SIPA1L2: variants seen among roughly 807,000 people sequenced by gnomAD.
SIPA1L2 encodes signal-induced proliferation-associated 1-like protein 2.
A neutral mutation model predicts 163.9 loss-of-function variants in SIPA1L2; 56 were observed. The ratio of observed to expected loss-of-function variants is 0.34; its 90% CI spans 0.28 to 0.43. The LOEUF (loss-of-function observed/expected upper bound fraction) is 0.43. Ranked by LOEUF, SIPA1L2 falls within the 20% of genes least tolerant of loss-of-function variation. The pLI is 1.00. For missense variants in SIPA1L2, 1,974 were observed against 2,193.5 expected (o/e 0.90, Z 2.00); for synonymous variants, 877 against 865.7 (o/e 1.01, Z -0.23).
At chr1:232,509,600 G>A (rs1036327061) in intron 3 of SIPA1L2, among the ~76,000 whole-genome samples, 2 of 152,234 alleles carry the variant, frequency 1.3e-5, no homozygotes, top group Non-Finnish European at 2.9e-5. Context: ...TTTGCAGACA[G>A]AAGGGTCTTG....
At chr1:232,599,502 ATG>A (rs2102850616) in intron 1 of SIPA1L2, among the ~76,000 whole-genome samples, 1 of 152,162 alleles carries the variant, frequency 6.6e-6, no homozygotes, top group South Asian at 2.1e-4. Flanking sequence ...TCAAATCAAA[ATG>A]TGTTTCCAAT....
At chr1:232,442,987 T>C (rs1302195696) in intron 12 of SIPA1L2, among the ~76,000 whole-genome samples, 4 of 152,182 alleles carry the variant, frequency 2.6e-5, no homozygotes, top group Non-Finnish European at 4.4e-5. Flanking sequence ...CTCCTCTCAA[T>C]CAGTGTGACT....
chr1:232,577,944 T>C (rs1338344226), intron 1 of SIPA1L2, among the ~76,000 whole-genome samples: 1 of 152,174 alleles, frequency 6.6e-6, no homozygotes, highest in African/African-American at 2.4e-5. Context: ...GTGGGTCAAA[T>C]GCTATGAAAC....
chr1:232,435,984 G>T (rs1477629143), intron 15 of SIPA1L2, among the ~76,000 whole-genome samples: 1 of 152,074 alleles, frequency 6.6e-6, no homozygotes, highest in Non-Finnish European at 1.5e-5. Flanking sequence ...GTGTGTGCCT[G>T]GGGCTGGAGG....
At chr1:232,567,986 A>C (rs141771448) in intron 2 of SIPA1L2, among the ~76,000 whole-genome samples, 2 of 152,240 alleles carry the variant, frequency 1.3e-5, no homozygotes, top group African/African-American at 4.8e-5. Context: ...AGCTGAACAC[A>C]TGAAGGTTCC....
At chr1:232,549,068 G>C (rs912837377) in intron 2 of SIPA1L2, among the ~76,000 whole-genome samples, 1 of 152,184 alleles carries the variant, frequency 6.6e-6, no homozygotes, top group Non-Finnish European at 1.5e-5. Context: ...CCCCTTACTG[G>C]TCAGGATTTG....
intron 1 of SIPA1L2, among the ~76,000 whole-genome samples, chr1:232,608,252 T>C (rs952761078): frequency 1.3e-5 from 2 of 152,092 alleles, no homozygotes; most frequent in African/African-American, 4.8e-5. Flanking sequence ...TTCACCATGG[T>C]GGTCAGGCTG....
intron 1 of SIPA1L2, among the ~76,000 whole-genome samples, chr1:232,580,361 C>CAGCACGGT (rs1195784137): frequency 6.6e-6 from 1 of 152,156 alleles, no homozygotes; most frequent in Non-Finnish European, 1.5e-5. Flanking sequence ...CCTGTTTTAT[C>CAGCACGGT]AGCACGGTCT....
chr1:232,455,973 G>A (rs1466833949), intron 10 of SIPA1L2, among the ~76,000 whole-genome samples: 1 of 152,128 alleles, frequency 6.6e-6, no homozygotes, highest in Non-Finnish European at 1.5e-5. Context: ...ACAGAAGGGT[G>A]AGGATGGAAA....
chr1:232,546,413 A>T (rs1558259563), intron 2 of SIPA1L2, among the ~76,000 whole-genome samples: 1 of 152,192 alleles, frequency 6.6e-6, no homozygotes, highest in African/African-American at 2.4e-5. Flanking sequence ...GTAAGAGTCA[A>T]TACACTTTAC....
chr1:232,563,944 G>GTTTT (rs1264800808), intron 2 of SIPA1L2, among the ~76,000 whole-genome samples: 1 of 99,996 alleles, frequency 1.0e-5, no homozygotes, highest in African/African-American at 6.7e-5. Flanking sequence ...ACAAAGGTTT[G>GTTTT]TTTTTTTTTT....
At chr1:232,494,872 A>T (rs1666100430) in intron 3 of SIPA1L2, among the ~76,000 whole-genome samples, 1 of 152,194 alleles carries the variant, frequency 6.6e-6, no homozygotes. Flanking sequence ...AACTGCTGCC[A>T]GGTCCATTCT....
chr1:232,488,744 CTGGTTTT>C (rs1665772510), intron 5 of SIPA1L2, among the ~76,000 whole-genome samples: 1 of 152,074 alleles, frequency 6.6e-6, no homozygotes, highest in African/African-American at 2.4e-5. Context: ...CTTAAAATGC[CTGGTTTT>C]TAGAACTGCC....
At position 232,514,030 on chromosome 1, in the gene SIPA1L2, C is replaced by G; in HGVS notation, c.1310G>C (p.Gly437Ala). The G allele has an allele frequency of 6.2e-7, 1 of 1,614,192 alleles. No homozygotes were observed. The highest frequency in any genetic ancestry group is 8.5e-7 in the Non-Finnish European group (1 of 1,180,026). The change falls in exon 3 of 23, where the codon GGG (glycine) becomes GCG (alanine). Residue 437 changes from glycine to alanine, a missense_variant. Coordinates refer to ENST00000674635, the MANE Select transcript of SIPA1L2 (RefSeq NM_020808.5). ...SRANSSSFSSGESCSFESSLS... is the reference protein window; with the variant it reads ...SRANSSSFSSAESCSFESSLS... Reference sequence around the variant, plus strand: ...TGACGATTCGAAAGAGCAGCTTTCCCCAGAACTGAAAGAGGATGAGTTGGC... The same window carrying G: ...TGACGATTCGAAAGAGCAGCTTTCCGCAGAACTGAAAGAGGATGAGTTGGC...
intron 9 of SIPA1L2, chr1:232,462,278 T>A: frequency 1.3e-6 from 2 of 1,550,540 alleles, no homozygotes; most frequent in Non-Finnish European, 1.7e-6. Flanking sequence ...CTGTGGGAAT[T>A]TCAAGTTGGG....
chr1:232,444,916 T>C (rs929744190), intron 11 of SIPA1L2, among the ~76,000 whole-genome samples: 21 of 152,212 alleles, frequency 1.4e-4, no homozygotes, highest in African/African-American at 5.1e-4. Context: ...GGAGTACGAA[T>C]TAACAACAAT....
intron 1 of SIPA1L2, among the ~76,000 whole-genome samples, chr1:232,620,738 T>C (rs144666247): frequency 1.4e-3 from 215 of 152,318 alleles, no homozygotes; most frequent in African/African-American, 4.7e-3. Flanking sequence ...TTAAACAAAT[T>C]GTCCTGCTTT....
intron 10 of SIPA1L2, among the ~76,000 whole-genome samples, chr1:232,449,215 G>C (rs1195951707): frequency 6.6e-6 from 1 of 152,136 alleles, no homozygotes; most frequent in East Asian, 1.9e-4. Context: ...TCAGTTATGA[G>C]AGATAAAAAC....
chr1:232,417,677 C>G (rs1337347071), intron 18 of SIPA1L2, among the ~76,000 whole-genome samples: 1 of 152,074 alleles, frequency 6.6e-6, no homozygotes, highest in East Asian at 1.9e-4. Flanking sequence ...GACCCTCAAG[C>G]AGAAAGGTAA....
Sources: allele counts gnomAD v4.1 joint callset (sites outside exome capture counted in the v4.1 genomes callset), GRCh38; gene constraint gnomAD v4.1.1; transcripts MANE v1.5; gene names NCBI Gene and HGNC (gene_info 2026-07-23, HGNC 2026-07-21).